TTN: variants seen among roughly 807,000 people sequenced by gnomAD.
The protein encoded by TTN is connectin.
TTN carries 1,525 observed loss-of-function variants against 3,223.0 expected under a neutral mutation model. The observed-to-expected ratio is 0.47, with a 90% confidence interval of 0.45 to 0.49. The LOEUF is 0.49. TTN is among the 20% of genes least tolerant of loss of function. TTN has a pLI of 0.00. For synonymous variants in TTN, 14,094 were observed against 15,161.0 expected, an observed-to-expected ratio of 0.93 and a Z score of 5.17; for missense variants, 40,786 against 43,424.0, an observed-to-expected ratio of 0.94 and a Z score of 5.40.
At chr2:178,710,513 C>A (rs2076500953) in intron 98 of TTN, 122 bp downstream of exon 98, 1 of 1,229,014 alleles carries the variant, frequency 8.1e-7, no homozygotes, top group African/African-American at 1.5e-5. Context: ...TCCTCTTAAA[C>A]ATTTTCTTTT....
intron 121 of TTN, 63 bp from the exon 122 acceptor site, chr2:178,689,959 C>T: frequency 7.3e-7 from 1 of 1,372,242 alleles, no homozygotes; most frequent in Non-Finnish European, 1.0e-6. Context: ...AGAACATAGG[C>T]ACATGCACAA....
Position 178,718,011 on chromosome 2 carries a change from C to T in TTN, c.24995G>A (p.Gly8332Glu), listed in dbSNP as rs2077756630. ...GTTGTCTGCCTTGCATGAATACTCTCCCACATCACTGTGATCCACTTTGTT... is the reference window on the plus strand; with the variant it reads ...GTTGTCTGCCTTGCATGAATACTCTTCCACATCACTGTGATCCACTTTGTT... ...VINKVDHSDV[G>E]EYSCKADNSV... Residue 8332 changes from glycine (G) to glutamate (E), a missense_variant, in exon 86 of 363, where the codon GGA (glycine) becomes GAA (glutamate). Gly to Glu is a moderately conservative substitution (Grantham distance 98). Coordinates refer to ENST00000589042, the MANE Select transcript of TTN (RefSeq NM_001267550.2). 6.2e-7 allele frequency: 1 copy of T among 1,613,648 alleles called. No individual in the cohort carries two copies. Among genetic ancestry groups the T allele is most frequent in the Non-Finnish European group, 8.5e-7 (1 of 1,179,722 alleles).
Position 178,599,315 on chromosome 2 carries a change from T to C in TTN, c.56478A>G (p.Glu18826=), listed in dbSNP as rs1303610975. Residue 18826 remains glutamate, a synonymous_variant, in exon 290 of 363, where the codon GAA becomes GAG. Transcript: ENST00000589042. ...CATGGACCCATGTCTTCCTGTTAGC[T>C]TCTCTTTTCTCAATTACATAGTTTG... The part of the protein sequence containing the change: ...KITNYVIEKR[E]ANRKTWVHVS... 2 of 1,610,198 alleles carry C rather than the reference T, an allele frequency of 1.2e-6. No homozygotes were observed. The highest frequency in any genetic ancestry group is 1.1e-5 in the South Asian group (1 of 90,262).
chr2:178,565,868 A>G lies in TTN; in HGVS notation c.80264T>C (p.Phe26755Ser). Residue 26755 changes from phenylalanine to serine, a missense_variant, in exon 326 of 363, where the codon TTC becomes TCC. Transcript: ENST00000589042. ...AAATTCATTTTCAGCCATGACTCTG[A>G]AGTAATAAATGGCTCCTTCTGTAAG... is the stretch of plus-strand genomic sequence containing the variant. ...ENLTEGAIYY[F>S]RVMAENEFGV... The G allele has an allele frequency of 6.2e-7, 1 of 1,613,654 alleles. No homozygotes were observed. The highest frequency in any genetic ancestry group is 8.5e-7 in the Non-Finnish European group (1 of 1,179,652).
Position 178,591,403 on chromosome 2 carries a change from G to C in TTN, c.60322C>G (p.Pro20108Ala). The C allele has an allele frequency of 6.2e-7, 1 of 1,612,312 alleles. No homozygotes were observed. Among genetic ancestry groups the C allele is most frequent in the Non-Finnish European group, 8.5e-7 (1 of 1,179,090 alleles). ...FPAIIRGVPVPTAKWTTDGSE... is the reference protein window; with the variant it reads ...FPAIIRGVPVATAKWTTDGSE... ...CCATCGGTTGTCCACTTTGCAGTAGGAACAGGCACACCTCTTATAATAGCA... is the reference window on the plus strand; with the variant it reads ...CCATCGGTTGTCCACTTTGCAGTAGCAACAGGCACACCTCTTATAATAGCA... The change falls in exon 304 of 363, where the codon CCT becomes GCT. Residue 20108 changes from proline to alanine, a missense_variant. Transcript: ENST00000589042.
chr2:178,618,087 T>C lies in TTN; in HGVS notation c.47270-6A>G. 1 of 1,611,682 alleles carries C rather than the reference T, an allele frequency of 6.2e-7. No homozygotes were observed. Among genetic ancestry groups the C allele is most frequent in the Non-Finnish European group, 8.5e-7 (1 of 1,178,884 alleles). ...CAAAGGAGGGCCTGGAACATCTGGA[T>C]TTCACCACAGAAGAAGAAAATATGA... is the stretch of plus-strand genomic sequence containing the variant. On this transcript the variant is annotated splice_region_variant and splice_polypyrimidine_tract_variant and intron_variant, in intron 252 of 362. Transcript: ENST00000589042.
At chr2:178,617,574 G>T in intron 253 of TTN, 62 bp from the exon 254 acceptor site, 1 of 1,478,292 alleles carries the variant, frequency 6.8e-7, no homozygotes, top group Non-Finnish European at 9.1e-7. Context: ...TGAAAACAGT[G>T]TTGTAATCAA....
At chr2:178,688,260 C>G in intron 126 of TTN, 36 bp from the exon 127 acceptor site, 1 of 1,582,804 alleles carries the variant, frequency 6.3e-7, no homozygotes, top group East Asian at 2.2e-5. Flanking sequence ...ATTCAGCCTG[C>G]TGAGATACAG....
intron 78 of TTN, 30 bp from the exon 79 acceptor site, chr2:178,721,232 G>T (rs767989008): frequency 6.6e-7 from 1 of 1,518,714 alleles, no homozygotes. Flanking sequence ...AGTCAGTAAG[G>T]GATATTTATT....
intron 160 of TTN, 34 bp from the exon 161 acceptor site, chr2:178,667,559 T>C (rs1400404596): frequency 6.3e-7 from 1 of 1,581,614 alleles, no homozygotes; most frequent in Non-Finnish European, 8.5e-7. Context: ...TATTTATAAA[T>C]GGTGAAGAAA....
rs757198030 is a variant in TTN at position 178,567,738 on chromosome 2, C to T, written c.78394G>A (p.Asp26132Asn). The T allele has an allele frequency of 5.6e-6, 9 of 1,612,678 alleles. No individual in the cohort carries two copies. Among genetic ancestry groups the T allele is most frequent in the African/African-American group, 2.7e-5 (2 of 74,880 alleles). Residue 26132 changes from aspartate to asparagine, a missense_variant, in exon 326 of 363, where the codon GAT becomes AAT. Transcript: ENST00000589042. ...AAGCTAGCTTTCATCCAACGACCAT[C>T]AGGCAAATCACGTTTCTCTACAATG... ...GYIVEKRDLP[D>N]GRWMKASFTN...
chr2:178,682,858 T>A lies in TTN; in HGVS notation c.32933A>T (p.Glu10978Val). ...TTCCCGTTGTACTGAAACAGCTTCT[T>A]CTTCTAGGGTATAAGCCCTTTCTTT... ...EEKERAYTLE[E>V]EAVSVQREEE... Residue 10978 changes from glutamate (E) to valine (V), a missense_variant, in exon 135 of 363, where the codon GAA (glutamate) becomes GTA (valine). Physicochemically the swap from Glu to Val is moderately radical, Grantham distance 121. Coordinates refer to ENST00000589042, the MANE Select transcript of TTN (RefSeq NM_001267550.2). 6.2e-7 allele frequency: 1 copy of A among 1,612,664 alleles called. No homozygotes were observed. The highest frequency in any genetic ancestry group is 8.5e-7 in the Non-Finnish European group (1 of 1,179,166).
At position 178,777,170 on chromosome 2, in the gene TTN, G is replaced by A; in HGVS notation, c.4793C>T (p.Pro1598Leu). 6.2e-7 allele frequency: 1 copy of A among 1,614,054 alleles called. No individual in the cohort carries two copies. Among genetic ancestry groups the A allele is most frequent in the Non-Finnish European group, 8.5e-7 (1 of 1,179,968 alleles). The change falls in exon 27 of 363, where the codon CCT (proline) becomes CTT (leucine). Residue 1598 changes from proline to leucine, a missense_variant. By Grantham distance (98) the Pro-to-Leu change is moderately conservative. Coordinates refer to ENST00000589042, the MANE Select transcript of TTN (RefSeq NM_001267550.2). ...TTACCTGATTTTGGGATATTTATGA[G>A]GCACAATGATGTCACTGTTTTTCAA... is the stretch of plus-strand genomic sequence containing the variant. ...VWLKNSDIIV[P>L]HKYPKIRIEG...
At chr2:178,758,033 C>T (rs2087834408) in intron 44 of TTN, 117 bp from the exon 45 acceptor site, 2 of 1,108,668 alleles carry the variant, frequency 1.8e-6, no homozygotes, top group East Asian at 4.9e-5. Context: ...CAGTCCACTC[C>T]TACTGCCTTG....
chr2:178,783,016 A>T lies in TTN; in HGVS notation c.2890T>A (p.Cys964Ser), dbSNP rs1195488045. 1 of 1,614,088 alleles carries T rather than the reference A, an allele frequency of 6.2e-7. No homozygotes were observed. The highest frequency in any genetic ancestry group is 1.7e-5 in the Admixed American group (1 of 60,016). The stretch of plus-strand genomic sequence containing the variant: ...GGGGATGGGTATCCAGAGATGTGGC[A>T]CTCCAAGGTGACAGATTCACCTTCT... ...VIEGESVTLE[C>S]HISGYPSPTV... The change falls in exon 18 of 363, where the codon TGC (cysteine) becomes AGC (serine). Residue 964 changes from cysteine (C) to serine (S), a missense_variant. Physicochemically the swap from Cys to Ser is moderately radical, Grantham distance 112. Transcript: ENST00000589042.
intron 180 of TTN, 56 bp downstream of exon 180, chr2:178,661,694 AAAGAAAAAT>A (rs2154256952): frequency 8.9e-7 from 1 of 1,119,730 alleles, no homozygotes; most frequent in African/African-American, 1.9e-5. Context: ...ATATATATAA[AAAGAAAAAT>A]ATTTTCCAGA....
chr2:178,772,532 C>T (rs757094518), intron 33 of TTN, among the ~76,000 whole-genome samples: 17 of 152,122 alleles, frequency 1.1e-4, no homozygotes, highest in Admixed American at 8.5e-4. Flanking sequence ...TACATGATAT[C>T]ATAAGAAATA....
rs367818218 is a variant in TTN, at chr2:178,618,035, T to C, written c.47316A>G (p.Arg15772=). 4 of 1,612,272 alleles carry C rather than the reference T, an allele frequency of 2.5e-6. No individual in the cohort carries two copies. The African/African-American group carries it at 5.3e-5, about 22-fold the overall frequency. ...PLNVTITDVN[R]FGVSLTWEPP... ...GTTCCCATGTCAGTGAGACACCAAA[T>C]CGATTCACATCAGTGATGGTTACAT... Residue 15772 remains arginine, a synonymous_variant, in exon 253 of 363, where the codon CGA becomes CGG. Coordinates refer to ENST00000589042, the MANE Select transcript of TTN (RefSeq NM_001267550.2).
At position 178,561,000 on chromosome 2, in the gene TTN, T is replaced by A. The variant is rs1165610195; in HGVS notation, c.85132A>T (p.Asn28378Tyr). Residue 28378 changes from asparagine (N) to tyrosine (Y), a missense_variant, in exon 326 of 363, where the codon AAT becomes TAT. Asn to Tyr is a moderately radical substitution (Grantham distance 143). Transcript: ENST00000589042. ...AGAGGTCGCCCTGCAATGTCTGCAT[T>A]TATCTTAAGGACCTCTCCAGCTTTG... is the stretch of plus-strand genomic sequence containing the variant. ...VVKAGEVLKI[N>Y]ADIAGRPLPV... 5.0e-6 allele frequency: 8 copies of A among 1,613,854 alleles called. No individual in the cohort carries two copies. In the African/African-American group the frequency reaches 6.7e-5, roughly 13 times the overall value.
Sources: gnomAD v4.1 joint callset for allele counts (sites outside exome capture counted in the v4.1 genomes callset) on GRCh38, gnomAD v4.1.1 for gene constraint, MANE v1.5 for transcripts, NCBI Gene and HGNC (gene_info 2026-07-23, HGNC 2026-07-21) for gene names.